The following SPOCK3 variants were observed in gnomAD, a reference collection of about 807,000 sequenced individuals.
The protein encoded by SPOCK3 is SPARC (osteonectin), cwcv and kazal like domains proteoglycan 3.
In SPOCK3, 30 loss-of-function variants were observed where a neutral mutation model predicts 56.6. That is an observed-to-expected ratio of 0.53 (90% CI 0.40 to 0.72). SPOCK3 has a LOEUF of 0.72. Among genes scored for constraint, SPOCK3 ranks in the 30% least tolerant of loss-of-function variants. The pLI, the probability that SPOCK3 is intolerant of heterozygous loss-of-function variation, is 0.00. For missense variants in SPOCK3, 527 were observed against 530.0 expected, an observed-to-expected ratio of 0.99 and a Z score of 0.06; for synonymous variants, 196 against 183.3, an observed-to-expected ratio of 1.07 and a Z score of -0.56.
chr4:167,050,691 A>G (rs766036821), intron 3 of SPOCK3, among the ~76,000 whole-genome samples: 1 of 152,210 alleles, frequency 6.6e-6, no homozygotes, highest in Non-Finnish European at 1.5e-5. Context: ...TGGGATATAC[A>G]TACAATAAAA....
At chr4:167,027,922 A>T (rs1345491875) in intron 3 of SPOCK3, among the ~76,000 whole-genome samples, 1 of 151,872 alleles carries the variant, frequency 6.6e-6, no homozygotes, top group Non-Finnish European at 1.5e-5. Context: ...ACTGTACCTA[A>T]GTTTTGTTTT....
intron 6 of SPOCK3, among the ~76,000 whole-genome samples, chr4:166,840,809 C>T (rs1302486472): frequency 3.5e-5 from 4 of 115,328 alleles, no homozygotes; most frequent in Non-Finnish European, 5.1e-5. Flanking sequence ...GATGCAGTCT[C>T]GCTCTGTCGC....
chr4:166,822,266 A>G (rs1251975741), intron 6 of SPOCK3, among the ~76,000 whole-genome samples: 1 of 151,976 alleles, frequency 6.6e-6, no homozygotes, highest in Non-Finnish European at 1.5e-5. Context: ...CCGCTGACCA[A>G]CGAAATGAAC....
intron 4 of SPOCK3, among the ~76,000 whole-genome samples, chr4:166,929,682 G>T (rs1024456729): frequency 3.3e-5 from 5 of 152,088 alleles, no homozygotes; most frequent in African/African-American, 1.2e-4. Flanking sequence ...GGGAGGTGTT[G>T]CTTCATTTAA....
intron 2 of SPOCK3, among the ~76,000 whole-genome samples, chr4:167,113,072 T>G (rs1761036453): frequency 6.6e-6 from 1 of 152,040 alleles, no homozygotes; most frequent in Admixed American, 6.6e-5. Context: ...CGTGAAAAGG[T>G]CAACATGTCA....
intron 4 of SPOCK3, among the ~76,000 whole-genome samples, chr4:166,947,072 G>C (rs1741854567): frequency 6.6e-6 from 1 of 151,820 alleles, no homozygotes; most frequent in Non-Finnish European, 1.5e-5. Flanking sequence ...CCAAATTTTA[G>C]GCACTATTTT....
intron 3 of SPOCK3, among the ~76,000 whole-genome samples, chr4:167,023,278 G>T (rs2150166121): frequency 6.6e-6 from 1 of 151,850 alleles, no homozygotes. Context: ...TATGAACTCA[G>T]AAAAAAAGAC....
At chr4:167,134,022 C>CTT (rs34410893) in intron 2 of SPOCK3, among the ~76,000 whole-genome samples, 995 of 80,502 alleles carry the variant, frequency 0.012, 13 homozygotes, top group African/African-American at 0.018. Context: ...ACACCTTTTT[C>CTT]TTTTTTTTTT....
In SPOCK3 at chr4:167,087,918, T is replaced by A. The variant is rs967243755; in HGVS notation, c.190-25381A>T. On this transcript the variant is annotated intron_variant, in intron 2 of 10. Transcript: ENST00000357545. ...TCAATGATGTAGGTATAGATTTTTTTTAGCTGTTGTTTTTATGGAACCAGA... is the reference window on the plus strand; with the variant it reads ...TCAATGATGTAGGTATAGATTTTTTATAGCTGTTGTTTTTATGGAACCAGA... Among the ~76,000 whole-genome samples the A allele has an allele frequency of 8.5e-5, 13 of 152,246 alleles. No homozygotes were observed. The East Asian group carries it at 2.5e-3, about 29-fold the overall frequency.
At chr4:166,877,015 C>A (rs1484022391) in intron 6 of SPOCK3, among the ~76,000 whole-genome samples, 1 of 151,992 alleles carries the variant, frequency 6.6e-6, no homozygotes, top group African/African-American at 2.4e-5. Context: ...CTAATTGATA[C>A]ATTATCAGTG....
intron 6 of SPOCK3, among the ~76,000 whole-genome samples, chr4:166,839,294 G>A (rs1746977264): frequency 6.6e-6 from 1 of 152,074 alleles, no homozygotes; most frequent in Non-Finnish European, 1.5e-5. Flanking sequence ...TGAGAGGGGA[G>A]TTCTTATTCC....
chr4:166,789,680 A>G (rs1309606513), intron 7 of SPOCK3, among the ~76,000 whole-genome samples: 2 of 152,148 alleles, frequency 1.3e-5, no homozygotes, highest in African/African-American at 2.4e-5. Flanking sequence ...CTATTTTTTA[A>G]TGTTCAAATT....
chr4:166,762,442 T>G (rs1463486028), intron 7 of SPOCK3, among the ~76,000 whole-genome samples: 1 of 152,056 alleles, frequency 6.6e-6, no homozygotes, highest in East Asian at 1.9e-4. Context: ...CATTCCAAAA[T>G]GAATATCTGT....
chr4:167,204,256 A>C (rs770846386), intron 2 of SPOCK3, among the ~76,000 whole-genome samples: 3 of 152,106 alleles, frequency 2.0e-5, no homozygotes, highest in Non-Finnish European at 2.9e-5. Context: ...TCTGGATACA[A>C]GGGTGAAACA....
At chr4:167,080,169 T>C (rs961185020) in intron 2 of SPOCK3, among the ~76,000 whole-genome samples, 1 of 152,062 alleles carries the variant, frequency 6.6e-6, no homozygotes, top group African/African-American at 2.4e-5. Flanking sequence ...TATATGTCCC[T>C]AATATTCAAC....
intron 2 of SPOCK3, among the ~76,000 whole-genome samples, chr4:167,204,742 A>G (rs1733858313): frequency 6.6e-6 from 1 of 151,904 alleles, no homozygotes; most frequent in Admixed American, 6.6e-5. Context: ...ATCATCTTCT[A>G]ACCTTTTAAA....
chr4:167,013,456 A>G (rs1294780869), intron 3 of SPOCK3, among the ~76,000 whole-genome samples: 1 of 151,466 alleles, frequency 6.6e-6, no homozygotes, highest in Non-Finnish European at 1.5e-5. Flanking sequence ...TATAAAATAG[A>G]TGCCTTTCAG....
intron 2 of SPOCK3, among the ~76,000 whole-genome samples, chr4:167,142,048 G>T (rs1763576851): frequency 6.6e-6 from 1 of 152,024 alleles, no homozygotes; most frequent in African/African-American, 2.4e-5. Context: ...CCAATTTAGA[G>T]TTTTTTACCC....
chr4:166,878,005 G>A (rs1404060582), intron 6 of SPOCK3, among the ~76,000 whole-genome samples: 2 of 152,064 alleles, frequency 1.3e-5, no homozygotes, highest in Non-Finnish European at 2.9e-5. Context: ...GGCCGGGCGC[G>A]GTGGCTCATG....
Sources: gnomAD v4.1 joint callset for allele counts (sites outside exome capture counted in the v4.1 genomes callset) on GRCh38, gnomAD v4.1.1 for gene constraint, MANE v1.5 for transcripts, NCBI Gene and HGNC (gene_info 2026-07-23, HGNC 2026-07-21) for gene names.